The following CPA5 variants were observed in gnomAD, a reference collection of about 807,000 sequenced individuals.
The protein encoded by CPA5 is testicular tissue protein Li 32.
CPA5 carries 38 observed loss-of-function variants against 52.2 expected under a neutral mutation model. The observed-to-expected ratio is 0.73, with a 90% CI of 0.56 to 0.95. CPA5 has a LOEUF of 0.95. Ranked by LOEUF, CPA5 falls within the 40% of genes least tolerant of loss-of-function variation. CPA5 has a pLI of 0.00. For missense variants in CPA5, 519 were observed against 566.7 expected (o/e 0.92, Z 0.86); for synonymous variants, 198 against 213.7 (o/e 0.93, Z 0.64).
At chr7:130,349,934 C>G in intron 4 of CPA5, 41 bp from the exon 5 acceptor site, 1 of 1,592,604 alleles carries the variant, frequency 6.3e-7, no homozygotes, top group Non-Finnish European at 8.5e-7. Flanking sequence ...TGTGGAAGGA[C>G]ATGGAGTAAT....
chr7:130,363,519 C>T lies in CPA5; in HGVS notation c.838+10C>T. 1.3e-6 allele frequency: 2 copies of T among 1,572,308 alleles called. No homozygotes were observed. The highest frequency in any genetic ancestry group is 1.7e-6 in the Non-Finnish European group (2 of 1,157,172). On this transcript the variant is annotated intron_variant, in intron 10 of 12. Transcript: ENST00000474905. Reference sequence around the variant, plus strand: ...AAGTCGGGTTTTGGAGGTATGGCAACCTGCTGTCCTGGGGCAGGGTTGGAG... The same window carrying T: ...AAGTCGGGTTTTGGAGGTATGGCAATCTGCTGTCCTGGGGCAGGGTTGGAG...
intron 10 of CPA5, among the ~76,000 whole-genome samples, chr7:130,364,015 A>G (rs1311434047): frequency 6.6e-6 from 1 of 152,014 alleles, no homozygotes; most frequent in Non-Finnish European, 1.5e-5. Context: ...CAATAGAATT[A>G]ACCACTTTTT....
At chr7:130,365,609 A>G (rs1353682155) in intron 10 of CPA5, among the ~76,000 whole-genome samples, 3 of 152,264 alleles carry the variant, frequency 2.0e-5, no homozygotes, top group Non-Finnish European at 2.9e-5. Flanking sequence ...AGGCGGACTC[A>G]GAGGACCTTG....
At chr7:130,367,765 G>A in intron 11 of CPA5, 141 bp from the exon 12 acceptor site, 1 of 850,388 alleles carries the variant, frequency 1.2e-6, no homozygotes, top group Non-Finnish European at 1.9e-6. Context: ...GAAATGCTGT[G>A]CTCCCTTCTC....
At chr7:130,369,758 A>G (rs1796274239), downstream of CPA5, among the ~76,000 whole-genome samples, 1 of 152,218 alleles carries the variant, frequency 6.6e-6, no homozygotes, top group South Asian at 2.1e-4. Flanking sequence ...GGAAGAAAAC[A>G]GAGTGAAACA....
chr7:130,349,411 G>A (rs1298486378), intron 4 of CPA5, among the ~76,000 whole-genome samples: 1 of 151,988 alleles, frequency 6.6e-6, no homozygotes, highest in Non-Finnish European at 1.5e-5. Flanking sequence ...CCCAGCCTGG[G>A]CGAAACTCCA....
Position 130,362,462 on chromosome 7 carries a change from C to A in CPA5, c.559C>A (p.Pro187Thr). 8 of 1,613,278 alleles carry A rather than the reference C, an allele frequency of 5.0e-6. No individual in the cohort carries two copies. Among genetic ancestry groups the A allele is most frequent in the Non-Finnish European group, 6.8e-6 (8 of 1,179,494 alleles). ...LKFSTGGSRH[P>T]AIWIDTGIHS... ...GTTCAGCACTGGAGGTTCTCGGCAC[C>A]CAGCCATCTGGATTGACACTGGAAT... The change falls in exon 8 of 13, where the codon CCA becomes ACA. Residue 187 changes from proline (P) to threonine (T), a missense_variant. Coordinates refer to ENST00000474905, the MANE Select transcript of CPA5 (RefSeq NM_080385.5).
intron 5 of CPA5, among the ~76,000 whole-genome samples, chr7:130,358,064 T>C (rs182688439): frequency 4.0e-5 from 6 of 151,546 alleles, no homozygotes; most frequent in Admixed American, 1.3e-4. Context: ...CTCTCAATCA[T>C]AGCTCACTCT....
In CPA5 at chr7:130,367,486, C is replaced by A. The variant is rs782027026; in HGVS notation, c.953C>A (p.Ala318Asp). 1.2e-6 allele frequency: 2 copies of A among 1,614,146 alleles called. No individual in the cohort carries two copies. The highest frequency in any genetic ancestry group is 4.5e-5 in the East Asian group (2 of 44,886). ...NFITAHGNFK[A>D]LISIHSYSQM... ...ATCACAGCCCATGGCAACTTCAAGGCTCTGATCTCCATCCACAGCTACTCT... is the reference window on the plus strand; with the variant it reads ...ATCACAGCCCATGGCAACTTCAAGGATCTGATCTCCATCCACAGCTACTCT... The change falls in exon 11 of 13, where the codon GCT (alanine) becomes GAT (aspartate). Residue 318 changes from alanine to aspartate, a missense_variant. Coordinates refer to ENST00000474905, the MANE Select transcript of CPA5 (RefSeq NM_080385.5).
At chr7:130,349,664 C>A (rs1173417498) in intron 4 of CPA5, among the ~76,000 whole-genome samples, 1 of 144,632 alleles carries the variant, frequency 6.9e-6, no homozygotes, top group Non-Finnish European at 1.5e-5. Flanking sequence ...ACATTGTATA[C>A]CTGTATCAAA....
At chr7:130,373,711 A>G (rs1796314993), downstream of CPA5, among the ~76,000 whole-genome samples, 1 of 152,246 alleles carries the variant, frequency 6.6e-6, no homozygotes, top group African/African-American at 2.4e-5. Flanking sequence ...CCTTTAGGAA[A>G]ACAAGAAGGC....
intron 4 of CPA5, among the ~76,000 whole-genome samples, chr7:130,349,413 G>A (rs781867069): frequency 2.6e-5 from 4 of 151,824 alleles, no homozygotes; most frequent in Non-Finnish European, 5.9e-5. Context: ...CAGCCTGGGC[G>A]AAACTCCATC....
intron 5 of CPA5, among the ~76,000 whole-genome samples, chr7:130,354,874 C>T (rs548043934): frequency 1.2e-4 from 18 of 152,282 alleles, no homozygotes; most frequent in African/African-American, 3.9e-4. Flanking sequence ...GGACTGCAGG[C>T]GTGCACCACC....
chr7:130,368,499 G>A lies in CPA5; in HGVS notation c.1213G>A (p.Gly405Ser). The A allele has an allele frequency of 6.2e-7, 1 of 1,614,130 alleles. No individual in the cohort carries two copies. Among genetic ancestry groups the A allele is most frequent in the South Asian group, 1.1e-5 (1 of 91,076 alleles). ...SFELRDTGQYGFLLPATQIIP... is the reference protein window; with the variant it reads ...SFELRDTGQYSFLLPATQIIP... ...TGAGCTCCGGGACACTGGGCAGTAT[G>A]GCTTCCTGCTGCCGGCCACACAGAT... The change falls in exon 13 of 13, where the codon GGC (glycine) becomes AGC (serine). Residue 405 changes from glycine to serine, a missense_variant. By Grantham distance (56) the Gly-to-Ser change is moderately conservative (BLOSUM62 0). Transcript: ENST00000474905.
intron 5 of CPA5, among the ~76,000 whole-genome samples, chr7:130,352,665 T>C (rs1795233910): frequency 6.6e-6 from 1 of 151,978 alleles, no homozygotes; most frequent in Non-Finnish European, 1.5e-5. Context: ...AGATTTGCAT[T>C]TCAGAAACAC....
At chr7:130,351,168 G>A (rs1006514077) in intron 5 of CPA5, among the ~76,000 whole-genome samples, 16 of 152,154 alleles carry the variant, frequency 1.1e-4, no homozygotes, top group East Asian at 3.8e-4. Flanking sequence ...TCTGTTTCCC[G>A]CTCAACGTGT....
chr7:130,364,423 CT>C (rs1295365621), intron 10 of CPA5, among the ~76,000 whole-genome samples: 1 of 152,096 alleles, frequency 6.6e-6, no homozygotes, highest in Non-Finnish European at 1.5e-5. Context: ...AAACTCCTGA[CT>C]TCAGGTGATC....
chr7:130,367,601 A>G (rs1278573559), intron 11 of CPA5, 30 bp downstream of exon 11: 2 of 1,584,046 alleles, frequency 1.3e-6, no homozygotes. Flanking sequence ...GCCTGGGGAG[A>G]AGAGACCGCT....
chr7:130,353,639 T>C (rs1207874049), intron 5 of CPA5, among the ~76,000 whole-genome samples: 3 of 152,104 alleles, frequency 2.0e-5, no homozygotes, highest in Admixed American at 1.3e-4. Context: ...AAACTCCCCA[T>C]CAACAACAGA....
Sources: allele counts gnomAD v4.1 joint callset (sites outside exome capture counted in the v4.1 genomes callset), GRCh38; gene constraint gnomAD v4.1.1; transcripts MANE v1.5; gene names NCBI Gene and HGNC (gene_info 2026-07-23, HGNC 2026-07-21).